Variants in SRL observed in about 807,000 individuals in gnomAD.
The protein encoded by SRL is sarcalumenin.
In SRL, 23 loss-of-function variants were observed where a neutral mutation model predicts 39.5. The observed-to-expected ratio is 0.58, with a 90% CI of 0.42 to 0.82. The LOEUF is 0.82. SRL is among the 40% of genes least tolerant of loss of function. The pLI, the probability that SRL is intolerant of heterozygous loss-of-function variation, is 0.00. For missense variants in SRL, 592 were observed against 607.8 expected, an observed-to-expected ratio of 0.97 and a Z score of 0.27; for synonymous variants, 272 against 237.4, an observed-to-expected ratio of 1.15 and a Z score of -1.34.
intron 1 of SRL, among the ~76,000 whole-genome samples, chr16:4,209,629 C>G (rs868471454): frequency 1.3e-5 from 2 of 152,206 alleles, no homozygotes; most frequent in Admixed American, 6.5e-5. Flanking sequence ...GGATCAGGAG[C>G]AAATATTTTC....
Position 4,190,019 on chromosome 16 carries a change from C to T in SRL, c.*2134G>A, listed in dbSNP as rs1296510378. The T allele has an allele frequency of 3.8e-5, 14 of 365,348 alleles. No homozygotes were observed. Among genetic ancestry groups the T allele is most frequent in the Non-Finnish European group, 6.8e-5 (14 of 205,388 alleles). The allele number at this position is 365,348 out of a possible 1,614,324, so 22.6% of individuals were successfully genotyped here. On this transcript the variant is annotated 3_prime_UTR_variant, in exon 6 of 6. Coordinates refer to ENST00000399609, the MANE Select transcript of SRL (RefSeq NM_001098814.2). ...AAGTCCAGGACAGATTCCATCTCAT[C>T]AGCCCCTATCACAGGCTCCGTGGAT...
intron 1 of SRL, among the ~76,000 whole-genome samples, chr16:4,209,046 G>T (rs1041786962): frequency 6.6e-6 from 1 of 152,168 alleles, no homozygotes; most frequent in Admixed American, 6.5e-5. Flanking sequence ...GTCGAGATAG[G>T]CAGATCACCT....
intron 1 of SRL, among the ~76,000 whole-genome samples, chr16:4,234,488 A>T (rs1330306295): frequency 1.3e-5 from 2 of 152,190 alleles, no homozygotes; most frequent in Non-Finnish European, 2.9e-5. Flanking sequence ...CTTGACTCCG[A>T]GTAAAACCAC....
chr16:4,209,284 G>A (rs1247054632), intron 1 of SRL, among the ~76,000 whole-genome samples: 3 of 151,284 alleles, frequency 2.0e-5, no homozygotes, highest in Admixed American at 2.0e-4. Context: ...AAAAAAAAAA[G>A]AAAAAAGAAA....
At chr16:4,215,449 G>C (rs1346809770) in intron 1 of SRL, among the ~76,000 whole-genome samples, 1 of 152,172 alleles carries the variant, frequency 6.6e-6, no homozygotes. Context: ...TTGGGATTTG[G>C]GGGTCCAGAG....
intron 1 of SRL, among the ~76,000 whole-genome samples, chr16:4,228,399 G>A (rs1004681322): frequency 7.9e-5 from 12 of 151,978 alleles, no homozygotes; most frequent in Non-Finnish European, 1.5e-4. Context: ...TTGCACCACT[G>A]CACTCCAACC....
chr16:4,232,825 A>T (rs1010004966), intron 1 of SRL, among the ~76,000 whole-genome samples: 4 of 152,158 alleles, frequency 2.6e-5, no homozygotes, highest in African/African-American at 9.7e-5. Flanking sequence ...GGGAAATTCT[A>T]TGGGAGAAAA....
At chr16:4,203,335 C>G (rs1377544374) in intron 2 of SRL, 74 bp from the exon 3 acceptor site, 1 of 1,268,000 alleles carries the variant, frequency 7.9e-7, no homozygotes, top group Non-Finnish European at 1.1e-6. Context: ...GTGGAGGGGC[C>G]TCACCACCCA....
At position 4,225,620 on chromosome 16, in the gene SRL, A is replaced by C. The variant is rs113852732; in HGVS notation, c.61+16387T>G. On this transcript the variant is annotated intron_variant, in intron 1 of 5. Transcript: ENST00000399609. The stretch of plus-strand genomic sequence containing the variant: ...ATTCTTTTCTTTCTCCAAAACCTTA[A>C]TTAAGTTGTTTACCTTTAAAATATA... Among the ~76,000 whole-genome samples, 474 of 152,180 alleles carry C rather than the reference A, an allele frequency of 3.1e-3. 4 individuals carry two copies. The highest frequency in any genetic ancestry group is 0.011 in the African/African-American group (441 of 41,516).
intron 3 of SRL, among the ~76,000 whole-genome samples, chr16:4,198,728 T>C (rs950786511): frequency 6.6e-6 from 1 of 152,220 alleles, no homozygotes; most frequent in Non-Finnish European, 1.5e-5. Context: ...ATTACAGCTA[T>C]GAACCATTGC....
intron 3 of SRL, among the ~76,000 whole-genome samples, chr16:4,201,261 A>G (rs897229118): frequency 6.6e-6 from 1 of 150,888 alleles, no homozygotes; most frequent in South Asian, 2.1e-4. Context: ...CCACAGGCGC[A>G]TGCCACCATG....
At chr16:4,235,463 A>T (rs2052704954) in intron 1 of SRL, among the ~76,000 whole-genome samples, 1 of 152,236 alleles carries the variant, frequency 6.6e-6, no homozygotes, top group Non-Finnish European at 1.5e-5. Flanking sequence ...TGGGAGACCA[A>T]GGCAGGAGAA....
chr16:4,192,457 T>G lies in SRL; in HGVS notation c.1118A>C (p.Glu373Ala), dbSNP rs1216104082. ...DGELVFKDIV[E>A]DPDKFYIFKT... Reference sequence around the variant, plus strand: ...GAAGATGTAGAATTTATCGGGATCTTCCACAATGTCCTTAAAGACCAGTTC... The same window carrying G: ...GAAGATGTAGAATTTATCGGGATCTGCCACAATGTCCTTAAAGACCAGTTC... Residue 373 changes from glutamate (E) to alanine (A), a missense_variant, in exon 6 of 6, where the codon GAA (glutamate) becomes GCA (alanine). Transcript: ENST00000399609. The surrounding 1 kb of genome is among the most constrained non-coding windows in gnomAD (Gnocchi z 4.0). 1 of 1,614,092 alleles carries G rather than the reference T, an allele frequency of 6.2e-7. No individual in the cohort carries two copies. The highest frequency in any genetic ancestry group is 8.5e-7 in the Non-Finnish European group (1 of 1,180,050).
In SRL at chr16:4,242,046, C is replaced by T. The variant is rs766818079; in HGVS notation, c.22G>A (p.Gly8Ser). 8.1e-6 allele frequency: 13 copies of T among 1,612,778 alleles called. No homozygotes were observed. Among genetic ancestry groups the T allele is most frequent in the South Asian group, 3.3e-5 (3 of 90,910 alleles). The change falls in exon 1 of 6, where the codon GGC becomes AGC. Residue 8 changes from glycine (G) to serine (S), a missense_variant. By Grantham distance (56) the Gly-to-Ser change is moderately conservative. Coordinates refer to ENST00000399609, the MANE Select transcript of SRL (RefSeq NM_001098814.2). MRALVLLGCLLASLLFSG... is the reference protein window; with the variant it reads MRALVLLSCLLASLLFSG... ...AACAGGAGCGAGGCCAGGAGGCAGCCGAGCAGGACCAGCGCCCTCATGGTG... is the reference window on the plus strand; with the variant it reads ...AACAGGAGCGAGGCCAGGAGGCAGCTGAGCAGGACCAGCGCCCTCATGGTG...
At chr16:4,198,611 AT>A (rs950571994) in intron 3 of SRL, among the ~76,000 whole-genome samples, 3 of 151,266 alleles carry the variant, frequency 2.0e-5, no homozygotes, top group African/African-American at 7.4e-5. Flanking sequence ...TGCCCAGCAA[AT>A]TTAAAAATTT....
At chr16:4,201,738 C>T (rs540467616) in intron 3 of SRL, among the ~76,000 whole-genome samples, 2 of 138,050 alleles carry the variant, frequency 1.4e-5, no homozygotes, top group African/African-American at 6.1e-5. Flanking sequence ...TCACTGCAAC[C>T]TCTGCCTCCC....
chr16:4,218,818 G>C (rs944388300), intron 1 of SRL, among the ~76,000 whole-genome samples: 3 of 152,266 alleles, frequency 2.0e-5, no homozygotes, highest in African/African-American at 7.2e-5. Context: ...AGTCTACGCA[G>C]AGTTAGTTAA....
At chr16:4,239,417 G>T (rs182021412) in intron 1 of SRL, among the ~76,000 whole-genome samples, 1 of 152,200 alleles carries the variant, frequency 6.6e-6, no homozygotes. Context: ...CCCAATCTCC[G>T]TATCAAGCAA....
chr16:4,207,441 G>A (rs1345558304), intron 1 of SRL: 4 of 456,864 alleles, frequency 8.8e-6, no homozygotes, highest in East Asian at 6.9e-5. Flanking sequence ...GACGTCAGGG[G>A]CTCCCTCTGG....
Sources: allele counts gnomAD v4.1 joint callset (sites outside exome capture counted in the v4.1 genomes callset), GRCh38; gene constraint gnomAD v4.1.1; non-coding constraint Gnocchi (gnomAD v3.1); transcripts MANE v1.5; gene names NCBI Gene and HGNC (gene_info 2026-07-23, HGNC 2026-07-21).